Variants in GRB10 observed in about 807,000 individuals in gnomAD.
GRB10 encodes the protein growth factor receptor bound protein 10, also known as growth factor receptor-bound protein 10.
A neutral mutation model predicts 80.9 loss-of-function variants in GRB10; 20 were observed. The ratio of observed to expected loss-of-function variants is 0.25; its 90% CI spans 0.17 to 0.36. GRB10 has a LOEUF of 0.36. GRB10 is among the 10% of genes least tolerant of loss of function. GRB10 has a pLI of 1.00. For synonymous variants in GRB10, 291 were observed against 291.5 expected (o/e 1.00, Z 0.02); for missense variants, 548 against 747.7 (o/e 0.73, Z 3.12).
At chr7:50,604,243 G>A in intron 16 of GRB10, 68 bp downstream of exon 16, 1 of 1,380,202 alleles carries the variant, frequency 7.2e-7, no homozygotes, top group Admixed American at 1.7e-5. Context: ...AAGGCTGAGG[G>A]GGAGTGGAGG....
intron 4 of GRB10, chr7:50,710,854 C>A (rs146054144): frequency 1.2e-5 from 19 of 1,612,010 alleles, no homozygotes; most frequent in Non-Finnish European, 1.0e-5. Flanking sequence ...ACTGAGTGTT[C>A]GGTAGACAGC....
intron 2 of GRB10, among the ~76,000 whole-genome samples, chr7:50,771,225 T>C (rs949348658): frequency 4.6e-5 from 7 of 152,196 alleles, no homozygotes; most frequent in East Asian, 1.9e-4. Flanking sequence ...CCAGAAACCA[T>C]GTGCTACTCA....
chr7:50,748,160 C>T (rs1296539499), intron 3 of GRB10, among the ~76,000 whole-genome samples: 1 of 152,180 alleles, frequency 6.6e-6, no homozygotes. Flanking sequence ...CGTAATCACT[C>T]ACCCCCCGCC....
In GRB10 at chr7:50,604,322, G is replaced by T. The variant is rs748244868; in HGVS notation, c.1445C>A (p.Thr482Asn). ...LGSQSPLHPSTLSTVIHRTQH... is the reference protein window; with the variant it reads ...LGSQSPLHPSNLSTVIHRTQH... ...TGTGCCCTGTTTACCTGTACTTAGG[G>T]TAGAAGGGTGGAGGGGACTTTGGCT... Residue 482 changes from threonine (T) to asparagine (N), a missense_variant, in exon 16 of 19, where the codon ACC (threonine) becomes AAC (asparagine). By Grantham distance (65) the Thr-to-Asn change is moderately conservative. Coordinates refer to ENST00000401949, the MANE Select transcript of GRB10 (RefSeq NM_001350814.2). 9 of 1,613,182 alleles carry T rather than the reference G, an allele frequency of 5.6e-6. No individual in the cohort carries two copies. The Middle Eastern group carries it at 5.1e-4, about 91-fold the overall frequency.
intron 7 of GRB10, among the ~76,000 whole-genome samples, chr7:50,651,644 C>T (rs1343004333): frequency 2.6e-5 from 4 of 152,178 alleles, no homozygotes; most frequent in Non-Finnish European, 5.9e-5. Flanking sequence ...TGCAATAAGG[C>T]CCTAATTCAG....
intron 4 of GRB10, among the ~76,000 whole-genome samples, chr7:50,723,341 G>A (rs752914419): frequency 6.6e-6 from 1 of 152,230 alleles, no homozygotes; most frequent in Admixed American, 6.5e-5. Flanking sequence ...TTTAAGCCCC[G>A]GCTATGTCTT....
chr7:50,759,594 G>T (rs904979970), intron 2 of GRB10, among the ~76,000 whole-genome samples: 1 of 152,174 alleles, frequency 6.6e-6, no homozygotes, highest in Non-Finnish European at 1.5e-5. Context: ...GTTTTTATTT[G>T]AATTATTTTA....
upstream of GRB10, among the ~76,000 whole-genome samples, chr7:50,787,727 A>G (rs2078753290): frequency 6.6e-6 from 1 of 152,230 alleles, no homozygotes. Flanking sequence ...TCACCTCACT[A>G]GGATCGCAGG....
At chr7:50,731,995 G>A (rs2069832365) in intron 4 of GRB10, among the ~76,000 whole-genome samples, 1 of 152,348 alleles carries the variant, frequency 6.6e-6, no homozygotes, top group Admixed American at 6.5e-5. Context: ...CGGCTCTCAG[G>A]GGGCAACTCT....
Position 50,735,604 on chromosome 7 carries a change from A to C in GRB10, c.-46-3236T>G, listed in dbSNP as rs1026406967. On this transcript the variant is annotated intron_variant, in intron 3 of 18. Coordinates refer to ENST00000401949, the MANE Select transcript of GRB10 (RefSeq NM_001350814.2). ...CTGAGTAACAGGGTTTCCTTAAAAA[A>C]AGTGATCTGCTATTCAATGAAAAAC... Among the ~76,000 whole-genome samples the C allele has an allele frequency of 2.0e-5, 3 of 152,332 alleles. No individual in the cohort carries two copies. The East Asian group carries it at 5.8e-4, about 29-fold the overall frequency.
Position 50,674,713 on chromosome 7 carries a change from A to G in GRB10, c.140-55T>C. 4 of 1,431,004 alleles carry G rather than the reference A, an allele frequency of 2.8e-6. No homozygotes were observed. In the South Asian group the frequency reaches 4.6e-5, roughly 17 times the overall value. The allele number at this position is 1,431,004 out of a possible 1,614,324, so 88.6% of individuals were successfully genotyped here. A position where few individuals can be genotyped will look rare whatever the true frequency, so the allele number is the denominator to read the frequency against. ...AAACTTTAACAATGGAGAGCAATCA[A>G]ACCCAAATGTACATCTTGGTGATCA... On this transcript the variant is annotated intron_variant, in intron 5 of 18. Transcript: ENST00000401949.
At chr7:50,681,459 C>T (rs2153649037) in intron 5 of GRB10, among the ~76,000 whole-genome samples, 1 of 152,320 alleles carries the variant, frequency 6.6e-6, no homozygotes, top group African/African-American at 2.4e-5. Context: ...GCTCTCCAGA[C>T]CCTTTCTTCT....
intron 3 of GRB10, among the ~76,000 whole-genome samples, chr7:50,744,136 C>T (rs2072410638): frequency 6.6e-6 from 1 of 152,010 alleles, no homozygotes; most frequent in Non-Finnish European, 1.5e-5. Flanking sequence ...AGTCTAGACA[C>T]ACTGTGGAAC....
intron 3 of GRB10, among the ~76,000 whole-genome samples, chr7:50,737,004 C>T (rs2070911141): frequency 6.6e-6 from 1 of 152,072 alleles, no homozygotes; most frequent in South Asian, 2.1e-4. Flanking sequence ...GATATGACAC[C>T]AAAGGTGCAG....
chr7:50,610,958 C>T (rs1280149290), intron 13 of GRB10, among the ~76,000 whole-genome samples: 2 of 152,018 alleles, frequency 1.3e-5, no homozygotes, highest in Non-Finnish European at 2.9e-5. Flanking sequence ...TTCATAGCTT[C>T]TTGGAGTATA....
chr7:50,732,150 GC>G, intron 4 of GRB10, 121 bp downstream of exon 4: 1 of 983,566 alleles, frequency 1.0e-6, no homozygotes, highest in African/African-American at 1.6e-5. Flanking sequence ...ACCAGCCCCT[GC>G]TCCAGCGTGT....
At chr7:50,740,494 C>G (rs187521272) in intron 3 of GRB10, among the ~76,000 whole-genome samples, 1 of 152,260 alleles carries the variant, frequency 6.6e-6, no homozygotes, top group South Asian at 2.1e-4. Flanking sequence ...TTTAGAAAGA[C>G]GTTTTGAGTC....
At chr7:50,608,146 A>G (rs1045804182) in intron 13 of GRB10, among the ~76,000 whole-genome samples, 4 of 152,238 alleles carry the variant, frequency 2.6e-5, no homozygotes, top group African/African-American at 9.6e-5. Flanking sequence ...AGGGTGTAGG[A>G]TAAGTAAGCC....
At chr7:50,660,162 G>A (rs1049460399) in intron 7 of GRB10, among the ~76,000 whole-genome samples, 4 of 152,174 alleles carry the variant, frequency 2.6e-5, no homozygotes, top group Non-Finnish European at 4.4e-5. Flanking sequence ...GGGCACAGCT[G>A]CGGTGCCGTG....
Sources: allele counts gnomAD v4.1 joint callset (sites outside exome capture counted in the v4.1 genomes callset), GRCh38; gene constraint gnomAD v4.1.1; transcripts MANE v1.5; gene names NCBI Gene and HGNC (gene_info 2026-07-23, HGNC 2026-07-21).